The following RIMS1 variants were observed in gnomAD, a reference collection of about 807,000 sequenced individuals.
RIMS1 encodes the protein regulating synaptic membrane exocytosis protein 1.
RIMS1 carries 83 observed loss-of-function variants against 214.1 expected under a neutral mutation model. That is an observed-to-expected ratio of 0.39 (90% CI 0.32 to 0.47). RIMS1 has a LOEUF of 0.47. Among genes scored for constraint, RIMS1 ranks in the 20% least tolerant of loss-of-function variants. The pLI is 0.99. For synonymous variants in RIMS1, 793 were observed against 786.8 expected (o/e 1.01, Z -0.13); for missense variants, 2,050 against 2,161.8 (o/e 0.95, Z 1.03).
chr6:72,332,792 G>C (rs2096716096), intron 28 of RIMS1, among the ~76,000 whole-genome samples: 1 of 151,580 alleles, frequency 6.6e-6, no homozygotes, highest in Non-Finnish European at 1.5e-5. Flanking sequence ...GTTTTTCCCA[G>C]CTAACTTTCT....
rs181478938 is a variant in RIMS1, at chr6:72,159,950, G to A, written c.472-19625G>A. On this transcript the variant is annotated intron_variant, in intron 4 of 33. Coordinates refer to ENST00000521978, the MANE Select transcript of RIMS1 (RefSeq NM_014989.7). Reference sequence around the variant, plus strand: ...AGAAAGTCGTTGGTAGCTTGATGGGGATGGCATTGAATCTATAAATTACCT... The same window carrying A: ...AGAAAGTCGTTGGTAGCTTGATGGGAATGGCATTGAATCTATAAATTACCT... Among the ~76,000 whole-genome samples the A allele has an allele frequency of 3.1e-3, 435 of 139,514 alleles. 19 individuals carry two copies. Among genetic ancestry groups the A allele is most frequent in the African/African-American group, 1.0e-2 (404 of 40,504 alleles). 91.5% of individuals were successfully genotyped at this position (139,514 alleles called of 152,430 possible).
intron 28 of RIMS1, among the ~76,000 whole-genome samples, chr6:72,321,472 A>T (rs548607029): frequency 2.4e-4 from 37 of 152,246 alleles, no homozygotes; most frequent in Admixed American, 1.1e-3. Context: ...GTAAAACAAC[A>T]TTTATTAGAA....
chr6:71,954,846 GCACACA>G (rs57226234), intron 1 of RIMS1, among the ~76,000 whole-genome samples: 1 of 144,832 alleles, frequency 6.9e-6, no homozygotes, highest in Non-Finnish European at 1.5e-5. Context: ...CCACTCCTCA[GCACACA>G]CACACACACA....
intron 1 of RIMS1, among the ~76,000 whole-genome samples, chr6:71,890,124 G>C (rs564318430): frequency 6.6e-6 from 1 of 152,230 alleles, no homozygotes; most frequent in Admixed American, 6.5e-5. Flanking sequence ...GGCCTTGATT[G>C]TAAATTACTA....
chr6:71,963,501 T>C (rs1561980992), intron 1 of RIMS1, among the ~76,000 whole-genome samples: 1 of 152,184 alleles, frequency 6.6e-6, no homozygotes, highest in East Asian at 1.9e-4. Context: ...TTCTCTTTAC[T>C]ATTAAGAAAT....
chr6:72,005,685 G>C (rs940317805), intron 2 of RIMS1, among the ~76,000 whole-genome samples: 1 of 152,164 alleles, frequency 6.6e-6, no homozygotes, highest in African/African-American at 2.4e-5. Flanking sequence ...TGGTAAAGAA[G>C]GCTGTTTTTA....
At chr6:72,051,542 T>C (rs1824665979) in intron 2 of RIMS1, among the ~76,000 whole-genome samples, 1 of 152,168 alleles carries the variant, frequency 6.6e-6, no homozygotes, top group African/African-American at 2.4e-5. Flanking sequence ...TTAGATGTAA[T>C]GCCTAGTCGT....
Position 72,233,817 on chromosome 6 carries a change from C to T in RIMS1, c.1723C>T (p.Arg575Trp), listed in dbSNP as rs767118962. The change falls in exon 7 of 34, where the codon CGG becomes TGG. Residue 575 changes from arginine to tryptophan, a missense_variant. By Grantham distance (101) the Arg-to-Trp change is moderately radical. Around this residue, in one of 6 missense-constraint regions of RIMS1, gnomAD observed 882 missense variants for 828.9 expected, o/e 1.06. Coordinates refer to ENST00000521978, the MANE Select transcript of RIMS1 (RefSeq NM_014989.7). ...YWLDPATWHSRETSPISSHPV... is the reference protein window; with the variant it reads ...YWLDPATWHSWETSPISSHPV... ...GTTGGATCCTGCCACGTGGCACAGCCGGGAGACATCACCTATTAGTTCGGT... is the reference window on the plus strand; with the variant it reads ...GTTGGATCCTGCCACGTGGCACAGCTGGGAGACATCACCTATTAGTTCGGT... 1.0e-5 allele frequency: 16 copies of T among 1,581,250 alleles called. No individual in the cohort carries two copies. Among genetic ancestry groups the T allele is most frequent in the African/African-American group, 2.7e-5 (2 of 74,272 alleles).
chr6:72,276,421 TTACA>T (rs1171675218), intron 23 of RIMS1, among the ~76,000 whole-genome samples: 1 of 152,178 alleles, frequency 6.6e-6, no homozygotes, highest in Non-Finnish European at 1.5e-5. Context: ...CTTTCAGTTC[TTACA>T]TACACGAGAT....
intron 2 of RIMS1, among the ~76,000 whole-genome samples, chr6:72,033,777 C>T (rs1024441278): frequency 1.3e-5 from 2 of 152,072 alleles, no homozygotes; most frequent in Non-Finnish European, 2.9e-5. Flanking sequence ...CTACCGTGCC[C>T]GGCCATGTTC....
At chr6:72,309,234 A>G (rs1156371614) in intron 27 of RIMS1, among the ~76,000 whole-genome samples, 3 of 152,126 alleles carry the variant, frequency 2.0e-5, no homozygotes, top group African/African-American at 7.2e-5. Context: ...AGTACTCAGA[A>G]GTCTAAACCA....
chr6:71,896,366 T>C (rs773209249), intron 1 of RIMS1, among the ~76,000 whole-genome samples: 2 of 152,178 alleles, frequency 1.3e-5, no homozygotes, highest in East Asian at 3.9e-4. Context: ...AAAGATATTA[T>C]GGTCTAAGTA....
chr6:72,058,192 G>A (rs1195279607), intron 2 of RIMS1, among the ~76,000 whole-genome samples: 2 of 152,206 alleles, frequency 1.3e-5, no homozygotes, highest in African/African-American at 4.8e-5. Flanking sequence ...GTGACTTTCT[G>A]ACCTTGACCT....
intron 2 of RIMS1, among the ~76,000 whole-genome samples, chr6:72,024,900 G>GTTTTTTTTTT (rs777214787): frequency 1.1e-4 from 11 of 98,666 alleles, no homozygotes; most frequent in South Asian, 4.1e-4. Flanking sequence ...AAATCTGTGG[G>GTTTTTTTTTT]TTTTTTTTTT....
intron 4 of RIMS1, among the ~76,000 whole-genome samples, chr6:72,174,499 T>A (rs2047450273): frequency 6.6e-6 from 1 of 152,160 alleles, no homozygotes; most frequent in African/African-American, 2.4e-5. Context: ...ACCAAATAAT[T>A]TGATTTTTTC....
intron 2 of RIMS1, among the ~76,000 whole-genome samples, chr6:71,994,321 C>A (rs909965340): frequency 6.6e-6 from 1 of 152,094 alleles, no homozygotes; most frequent in African/African-American, 2.4e-5. Flanking sequence ...GTAGTAGAAA[C>A]CCTCTTGGCT....
chr6:72,187,781 C>T (rs773196720), intron 6 of RIMS1, among the ~76,000 whole-genome samples: 6 of 152,040 alleles, frequency 3.9e-5, no homozygotes, highest in Non-Finnish European at 7.4e-5. Flanking sequence ...TGGGAGCCAT[C>T]GCGCCCAGCC....
chr6:71,947,965 A>G (rs1237627964), intron 1 of RIMS1, among the ~76,000 whole-genome samples: 1 of 152,136 alleles, frequency 6.6e-6, no homozygotes, highest in East Asian at 1.9e-4. Flanking sequence ...TTAGTTTAAC[A>G]AGTACCTAGC....
intron 29 of RIMS1, among the ~76,000 whole-genome samples, chr6:72,379,280 A>G (rs2154416434): frequency 1.3e-5 from 2 of 152,374 alleles, no homozygotes; most frequent in East Asian, 3.9e-4. Context: ...TCAGAGGACT[A>G]GGCTTCGCCA....
Sources: allele counts gnomAD v4.1 joint callset (sites outside exome capture counted in the v4.1 genomes callset), GRCh38; gene constraint gnomAD v4.1.1; regional missense constraint gnomAD v4.1.1; transcripts MANE v1.5; gene names NCBI Gene and HGNC (gene_info 2026-07-23, HGNC 2026-07-21).